The following CWC22 variants were observed in gnomAD, a reference collection of about 807,000 sequenced individuals.
The protein encoded by CWC22 is pre-mRNA-splicing factor CWC22 homolog.
In CWC22, 53 loss-of-function variants were observed where a neutral mutation model predicts 117.2. That is an observed-to-expected ratio of 0.45 (90% CI 0.36 to 0.57). The LOEUF (loss-of-function observed/expected upper bound fraction) is 0.57, where lower values mean the gene tolerates loss of function less well. Among genes scored for constraint, CWC22 ranks in the 20% least tolerant of loss-of-function variants. The pLI, the probability that CWC22 is intolerant of heterozygous loss-of-function variation, is 0.00. For missense variants in CWC22, 980 were observed against 1,068.8 expected, an observed-to-expected ratio of 0.92 and a Z score of 1.16; for synonymous variants, 360 against 355.6, an observed-to-expected ratio of 1.01 and a Z score of -0.14.
intron 11 of CWC22, among the ~76,000 whole-genome samples, 156 bp downstream of exon 11, chr2:179,970,344 GA>G (rs908445578): frequency 3.3e-5 from 5 of 152,084 alleles, no homozygotes; most frequent in African/African-American, 1.2e-4. Context: ...CAAGCACCAG[GA>G]AAAAAATAAT....
chr2:180,002,544 T>C (rs1687872636), intron 1 of CWC22, among the ~76,000 whole-genome samples: 1 of 152,118 alleles, frequency 6.6e-6, no homozygotes, highest in South Asian at 2.1e-4. Context: ...AAAAGTACAG[T>C]CATGGTCTTT....
At chr2:179,951,144 A>G (rs77207098) in intron 17 of CWC22, among the ~76,000 whole-genome samples, 2,925 of 152,158 alleles carry the variant, frequency 0.019, 102 homozygotes, top group African/African-American at 0.065. Context: ...TCATTATACA[A>G]TGTAGGAGGT....
At chr2:179,958,032 A>T (rs1350452041) in intron 14 of CWC22, among the ~76,000 whole-genome samples, 1 of 152,166 alleles carries the variant, frequency 6.6e-6, no homozygotes, top group East Asian at 1.9e-4. Flanking sequence ...TTTTCATTAA[A>T]GGAATTAATG....
chr2:179,954,059 CATG>C, intron 16 of CWC22, 143 bp downstream of exon 16: 1 of 498,236 alleles, frequency 2.0e-6, no homozygotes, highest in Non-Finnish European at 3.5e-6. Context: ...TTCCTTATAA[CATG>C]ATGATAATCT....
chr2:179,945,221 A>G lies in CWC22; in HGVS notation c.2635T>C (p.Trp879Arg). The stretch of plus-strand genomic sequence containing the variant: ...TCAGAGTATCTGCTAGATTTTTCCC[A>G]TCGTCTCTCGGCACCATTTTGATAT... ...DRYQNGAERR[W>R]EKSSRYSEQS... Residue 879 changes from tryptophan (W) to arginine (R), a missense_variant, in exon 20 of 20, where the codon TGG becomes CGG. By Grantham distance (101) the Trp-to-Arg change is moderately radical. Transcript: ENST00000410053. The G allele has an allele frequency of 1.9e-6, 3 of 1,613,476 alleles. No homozygotes were observed. Among genetic ancestry groups the G allele is most frequent in the East Asian group, 2.2e-5 (1 of 44,862 alleles).
rs777154447 is a variant in CWC22, at chr2:179,945,164, G to A, written c.2692C>T (p.Arg898Trp). Residue 898 changes from arginine to tryptophan, a missense_variant, in exon 20 of 20, where the codon CGG becomes TGG. Physicochemically the swap from Arg to Trp is moderately radical, Grantham distance 101. This residue lies in a region of CWC22 where 306 missense variants were observed against 296.8 expected (regional missense o/e 1.03). Transcript: ENST00000410053. ...QSRESKKNQD[R>W]RREKSPAKQK ...TTTGCTGGAGACTTTTCTCTTCGCC[G>A]GTCCTGATTTTTCTTTGATTCTCTG... 147 of 1,603,958 alleles carry A rather than the reference G, an allele frequency of 9.2e-5. 2 individuals carry two copies. The South Asian group carries it at 1.4e-3, about 16-fold the overall frequency.
At chr2:179,989,207 C>T (rs939783060) in intron 2 of CWC22, among the ~76,000 whole-genome samples, 1 of 150,544 alleles carries the variant, frequency 6.6e-6, no homozygotes, top group South Asian at 2.1e-4. Flanking sequence ...TTTTTGATGA[C>T]ATCTAGTTTA....
intron 4 of CWC22, among the ~76,000 whole-genome samples, chr2:179,983,128 G>T (rs1687326519): frequency 6.6e-6 from 1 of 152,014 alleles, no homozygotes; most frequent in South Asian, 2.1e-4. Context: ...TTAAGTTCAG[G>T]GGTACAAGTG....
At position 179,961,754 on chromosome 2, in the gene CWC22, A is replaced by T. The variant is rs1686757533; in HGVS notation, c.1398-2672T>A. Among the ~76,000 whole-genome samples the T allele has an allele frequency of 2.0e-5, 3 of 152,082 alleles. No individual in the cohort carries two copies. In the South Asian group the frequency reaches 6.2e-4, roughly 32 times the overall value. ...TTTTTCCTGTTCTTATTTTATTTTG[A>T]AAGTATTTAATGACCCCCCCTACAC... On this transcript the variant is annotated intron_variant, in intron 13 of 19. Transcript: ENST00000410053.
intron 15 of CWC22, among the ~76,000 whole-genome samples, chr2:179,954,576 A>G (rs1237590146): frequency 6.6e-6 from 1 of 152,096 alleles, no homozygotes; most frequent in African/African-American, 2.4e-5. Flanking sequence ...AAAATCATAC[A>G]TGTAGGTGAT....
intron 6 of CWC22, among the ~76,000 whole-genome samples, chr2:179,977,404 C>G (rs1238132724): frequency 6.6e-6 from 1 of 152,100 alleles, no homozygotes; most frequent in Admixed American, 6.5e-5. Flanking sequence ...AAAGGAAATC[C>G]TGTCATTTGG....
At position 179,945,240 on chromosome 2, in the gene CWC22, T is replaced by C. The variant is rs77211778; in HGVS notation, c.2616A>G (p.Gln872=). ...TTTCCCATCGTCTCTCGGCACCATTTTGATATCTATCTTCATCACTTCTTG... is the reference window on the plus strand; with the variant it reads ...TTTCCCATCGTCTCTCGGCACCATTCTGATATCTATCTTCATCACTTCTTG... ...SGSRSDEDRY[Q]NGAERRWEKS... Residue 872 remains glutamine (Q), a synonymous_variant, in exon 20 of 20, where the codon CAA becomes CAG. Coordinates refer to ENST00000410053, the MANE Select transcript of CWC22 (RefSeq NM_020943.3). 1 of 1,613,848 alleles carries C rather than the reference T, an allele frequency of 6.2e-7. No individual in the cohort carries two copies. Among genetic ancestry groups the C allele is most frequent in the Non-Finnish European group, 8.5e-7 (1 of 1,179,822 alleles).
intron 2 of CWC22, among the ~76,000 whole-genome samples, chr2:179,991,045 T>C (rs959896000): frequency 6.6e-6 from 1 of 152,194 alleles, no homozygotes; most frequent in Non-Finnish European, 1.5e-5. Context: ...GTCAGTGCAG[T>C]AGTTGAAAAT....
At chr2:179,983,298 G>T (rs1231613785) in intron 4 of CWC22, among the ~76,000 whole-genome samples, 1 of 152,004 alleles carries the variant, frequency 6.6e-6, no homozygotes, top group African/African-American at 2.4e-5. Context: ...CCCAGTGTGT[G>T]TTGTTCTCCA....
rs552906480 is a variant in CWC22, at chr2:179,958,842, G to A, written c.1458+180C>T. On this transcript the variant is annotated intron_variant, in intron 14 of 19. Coordinates refer to ENST00000410053, the MANE Select transcript of CWC22 (RefSeq NM_020943.3). The stretch of plus-strand genomic sequence containing the variant: ...AGCAGAAAATTTAATTCACTGGAGT[G>A]AGCAATATATCTGAAACACCCTAAG... 1.4e-4 allele frequency among the ~76,000 whole-genome samples: 22 copies of A among 152,230 alleles called. 3 individuals are homozygous for A. In the South Asian group the frequency reaches 4.6e-3, roughly 32 times the overall value.
At chr2:179,956,599 T>C (rs1034232279) in intron 14 of CWC22, among the ~76,000 whole-genome samples, 1 of 149,280 alleles carries the variant, frequency 6.7e-6, no homozygotes, top group African/African-American at 2.5e-5. Context: ...TATATATAAA[T>C]ATATATAAAA....
intron 11 of CWC22, among the ~76,000 whole-genome samples, chr2:179,968,195 T>C (rs1378307959): frequency 6.6e-6 from 1 of 152,190 alleles, no homozygotes; most frequent in Non-Finnish European, 1.5e-5. Flanking sequence ...AAATCATGCA[T>C]GAGTAAAAGA....
At chr2:179,979,788 G>A (rs1347627852) in intron 5 of CWC22, among the ~76,000 whole-genome samples, 1 of 152,122 alleles carries the variant, frequency 6.6e-6, no homozygotes, top group African/African-American at 2.4e-5. Context: ...CAAGATGCAT[G>A]GCTTAACAAG....
intron 1 of CWC22, among the ~76,000 whole-genome samples, chr2:179,995,838 T>G (rs935692653): frequency 3.3e-5 from 5 of 152,170 alleles, no homozygotes; most frequent in African/African-American, 1.2e-4. Flanking sequence ...CTAAAACTGA[T>G]GAAAAGCTGC....
Sources: allele counts gnomAD v4.1 joint callset (sites outside exome capture counted in the v4.1 genomes callset), GRCh38; gene constraint gnomAD v4.1.1; regional missense constraint gnomAD v4.1.1; transcripts MANE v1.5; gene names NCBI Gene and HGNC (gene_info 2026-07-23, HGNC 2026-07-21).